ANKS1B: variants seen among roughly 807,000 people sequenced by gnomAD.
ANKS1B encodes ankyrin repeat and sterile alpha motif domain containing 1B, also known as ankyrin repeat and sterile alpha motif domain-containing protein 1B.
A neutral mutation model predicts 148.3 loss-of-function variants in ANKS1B; 36 were observed. The ratio of observed to expected loss-of-function variants is 0.24; its 90% CI spans 0.19 to 0.32. The LOEUF is 0.32. Among genes scored for constraint, ANKS1B ranks in the 10% least tolerant of loss-of-function variants. The pLI, the probability that ANKS1B is intolerant of heterozygous loss-of-function variation, is 1.00. For missense variants in ANKS1B, 1,157 were observed against 1,542.6 expected (o/e 0.75, Z 4.19); for synonymous variants, 542 against 560.8 (o/e 0.97, Z 0.47).
chr12:99,036,959 G>A (rs1341915163), intron 17 of ANKS1B, among the ~76,000 whole-genome samples: 2 of 152,146 alleles, frequency 1.3e-5, no homozygotes, highest in African/African-American at 2.4e-5. Flanking sequence ...CAGATTAATT[G>A]GCAGCACTTG....
At chr12:99,683,629 C>T (rs1414060219) in intron 8 of ANKS1B, among the ~76,000 whole-genome samples, 1 of 152,062 alleles carries the variant, frequency 6.6e-6, no homozygotes, top group Non-Finnish European at 1.5e-5. Flanking sequence ...TTCTATGAAG[C>T]CAGTATCACC....
chr12:99,615,395 G>A (rs866160182), intron 9 of ANKS1B, among the ~76,000 whole-genome samples: 13 of 152,110 alleles, frequency 8.5e-5, no homozygotes, highest in Middle Eastern at 3.4e-3. Flanking sequence ...TTACACATCA[G>A]GCAACAAAAT....
At chr12:99,142,674 G>A (rs2071362541) in intron 15 of ANKS1B, among the ~76,000 whole-genome samples, 2 of 152,058 alleles carry the variant, frequency 1.3e-5, no homozygotes, top group African/African-American at 4.8e-5. Flanking sequence ...TTGATATAGT[G>A]TTCTTCTTTC....
chr12:99,423,949 C>T (rs1380751192), intron 11 of ANKS1B, among the ~76,000 whole-genome samples: 1 of 151,898 alleles, frequency 6.6e-6, no homozygotes, highest in Non-Finnish European at 1.5e-5. Flanking sequence ...CACAAGTTTA[C>T]CTATATAACA....
chr12:99,074,690 C>T (rs896682181), intron 16 of ANKS1B, among the ~76,000 whole-genome samples: 4 of 152,182 alleles, frequency 2.6e-5, no homozygotes, highest in African/African-American at 9.7e-5. Context: ...GTCATGCTTA[C>T]ATGAAGGACA....
chr12:99,928,647 C>T (rs979716990), intron 1 of ANKS1B, among the ~76,000 whole-genome samples: 1 of 152,132 alleles, frequency 6.6e-6, no homozygotes, highest in South Asian at 2.1e-4. Context: ...AATTTGATTG[C>T]CCTTATAGAT....
chr12:99,414,802 G>A (rs534086046), intron 11 of ANKS1B, among the ~76,000 whole-genome samples: 2 of 152,340 alleles, frequency 1.3e-5, no homozygotes, highest in South Asian at 4.1e-4. Flanking sequence ...TGCGCGTTCT[G>A]CACATGTATT....
chr12:99,300,383 G>A (rs2081435387), intron 12 of ANKS1B, among the ~76,000 whole-genome samples: 1 of 152,014 alleles, frequency 6.6e-6, no homozygotes, highest in Non-Finnish European at 1.5e-5. Context: ...TGATGTAGAT[G>A]ACATGTTATG....
chr12:99,559,884 A>G (rs967242057), intron 9 of ANKS1B, among the ~76,000 whole-genome samples: 3 of 152,214 alleles, frequency 2.0e-5, no homozygotes, highest in Non-Finnish European at 4.4e-5. Context: ...CAAAAAATGC[A>G]TAAGAAAAAA....
intron 8 of ANKS1B, among the ~76,000 whole-genome samples, chr12:99,719,116 C>T (rs2057781353): frequency 1.3e-5 from 2 of 152,202 alleles, no homozygotes; most frequent in Non-Finnish European, 2.9e-5. Context: ...CTTGACCTTA[C>T]TGTTTTAGCC....
chr12:99,851,515 G>C (rs930429318), intron 1 of ANKS1B, among the ~76,000 whole-genome samples: 9 of 152,006 alleles, frequency 5.9e-5, no homozygotes, highest in African/African-American at 2.2e-4. Flanking sequence ...ATCTAAATAA[G>C]AAATTGCTTT....
At chr12:99,976,565 T>C (rs2095632237) in intron 1 of ANKS1B, among the ~76,000 whole-genome samples, 1 of 152,188 alleles carries the variant, frequency 6.6e-6, no homozygotes, top group South Asian at 2.1e-4. Context: ...TCCAATTTGA[T>C]CAAAGAATGG....
At chr12:98,826,859 C>T (rs2099252924) in intron 19 of ANKS1B, among the ~76,000 whole-genome samples, 1 of 151,950 alleles carries the variant, frequency 6.6e-6, no homozygotes, top group South Asian at 2.1e-4. Flanking sequence ...AGACCCAACT[C>T]GATTGTCTAA....
intron 12 of ANKS1B, among the ~76,000 whole-genome samples, chr12:99,348,685 T>C (rs57596590): frequency 0.014 from 2,156 of 151,974 alleles, 41 homozygotes; most frequent in African/African-American, 0.049. Context: ...AAGACCTATA[T>C]TAAGCAAAGC....
intron 17 of ANKS1B, among the ~76,000 whole-genome samples, chr12:98,833,488 G>A (rs184473329): frequency 7.9e-5 from 12 of 152,188 alleles, no homozygotes; most frequent in South Asian, 2.1e-4. Context: ...TTCCAAAGTC[G>A]TTATCCCATG....
At chr12:99,423,378 T>C (rs778594714) in intron 11 of ANKS1B, among the ~76,000 whole-genome samples, 4 of 152,132 alleles carry the variant, frequency 2.6e-5, no homozygotes, top group Non-Finnish European at 5.9e-5. Context: ...ACTCATACAC[T>C]GTTGGTGGGA....
intron 10 of ANKS1B, among the ~76,000 whole-genome samples, chr12:99,463,348 C>T (rs1024358176): frequency 1.3e-5 from 2 of 152,206 alleles, no homozygotes; most frequent in African/African-American, 4.8e-5. Context: ...GTCTACAGCT[C>T]CCAGCATGAG....
At chr12:99,356,120 T>C (rs565490592) in intron 12 of ANKS1B, among the ~76,000 whole-genome samples, 1 of 151,948 alleles carries the variant, frequency 6.6e-6, no homozygotes, top group Admixed American at 6.6e-5. Flanking sequence ...ATAACAGATA[T>C]AAGGAACAGC....
intron 17 of ANKS1B, among the ~76,000 whole-genome samples, chr12:98,926,767 G>A (rs1160333304): frequency 6.6e-6 from 1 of 151,922 alleles, no homozygotes; most frequent in Non-Finnish European, 1.5e-5. Context: ...ATATAGTGGG[G>A]CTCAACAGAA....
Sources: allele counts gnomAD v4.1 joint callset (sites outside exome capture counted in the v4.1 genomes callset), GRCh38; gene constraint gnomAD v4.1.1; transcripts MANE v1.5; gene names NCBI Gene and HGNC (gene_info 2026-07-23, HGNC 2026-07-21).